ASTN1: variants seen among roughly 807,000 people sequenced by gnomAD.
ASTN1 encodes astrotactin 1, also known as astrotactin-1.
In ASTN1, 41 loss-of-function variants were observed where a neutral mutation model predicts 140.7. That is an observed-to-expected ratio of 0.29 (90% CI 0.23 to 0.38). The LOEUF (loss-of-function observed/expected upper bound fraction) is 0.38. Among genes scored for constraint, ASTN1 ranks in the 10% least tolerant of loss-of-function variants. The pLI, the probability that ASTN1 is intolerant of heterozygous loss-of-function variation, is 1.00. For missense variants in ASTN1, 1,479 were observed against 1,678.8 expected (o/e 0.88, Z 2.08); for synonymous variants, 640 against 652.2 (o/e 0.98, Z 0.29).
intron 2 of ASTN1, among the ~76,000 whole-genome samples, chr1:177,044,081 T>A (rs1437006744): frequency 6.6e-6 from 1 of 152,062 alleles, no homozygotes; most frequent in East Asian, 1.9e-4. Flanking sequence ...ACCAGCAGCA[T>A]ATTGTCTTTA....
chr1:176,867,775 C>A (rs938186051), intron 22 of ASTN1, among the ~76,000 whole-genome samples: 1 of 152,116 alleles, frequency 6.6e-6, no homozygotes, highest in Non-Finnish European at 1.5e-5. Context: ...TCACAGCAGG[C>A]CAAATGAGGA....
At chr1:176,939,469 C>T (rs1240774597) in intron 14 of ASTN1, among the ~76,000 whole-genome samples, 1 of 152,156 alleles carries the variant, frequency 6.6e-6, no homozygotes, top group East Asian at 1.9e-4. Context: ...GGAACACTTA[C>T]ATAACTGTTA....
At chr1:177,031,580 C>T (rs933342521) in intron 3 of ASTN1, among the ~76,000 whole-genome samples, 1 of 152,200 alleles carries the variant, frequency 6.6e-6, no homozygotes, top group Non-Finnish European at 1.5e-5. Context: ...GAAATTGGCT[C>T]TTCATGTAGA....
chr1:177,048,177 A>G (rs1267642280), intron 2 of ASTN1, among the ~76,000 whole-genome samples: 2 of 152,182 alleles, frequency 1.3e-5, no homozygotes, highest in Non-Finnish European at 2.9e-5. Context: ...GGGGCTCAGG[A>G]TGTAGAAGAG....
At chr1:176,921,691 G>C (rs1402517980) in intron 16 of ASTN1, among the ~76,000 whole-genome samples, 1 of 152,102 alleles carries the variant, frequency 6.6e-6, no homozygotes, top group Non-Finnish European at 1.5e-5. Context: ...TTTATGTCCA[G>C]CCTGTTCTTT....
intron 8 of ASTN1, among the ~76,000 whole-genome samples, chr1:176,997,538 C>T (rs559551935): frequency 2.0e-5 from 3 of 151,962 alleles, no homozygotes; most frequent in East Asian, 1.9e-4. Context: ...GGATATCCTC[C>T]GAGGAGGACA....
chr1:177,073,850 T>C (rs566166840), intron 1 of ASTN1, among the ~76,000 whole-genome samples: 1 of 151,838 alleles, frequency 6.6e-6, no homozygotes, highest in South Asian at 2.1e-4. Flanking sequence ...CAAAGGGCTG[T>C]TAAAGTGAAA....
chr1:176,983,497 T>C (rs1164876464), intron 8 of ASTN1, among the ~76,000 whole-genome samples: 1 of 152,260 alleles, frequency 6.6e-6, no homozygotes, highest in Non-Finnish European at 1.5e-5. Context: ...CCCCAAATGC[T>C]TCTTTTCCCT....
rs879671358 is a variant in ASTN1, at chr1:176,935,761, T to TTC, written c.2482+503_2482+504dup. Among the ~76,000 whole-genome samples the TTC allele has an allele frequency of 9.8e-3, 1,458 of 148,844 alleles. 24 individuals carry two copies. The highest frequency in any genetic ancestry group is 0.031 in the African/African-American group (1,256 of 40,738). On this transcript the variant is annotated intron_variant, in intron 15 of 22. Transcript: ENST00000361833. ...CTAATATCTATTTCTCTCTCTCTCT[T>TTC]TCTCTCTCTCTCTCTCTCTCTTTCT...
At chr1:177,004,935 G>T (rs570771547) in intron 8 of ASTN1, among the ~76,000 whole-genome samples, 1 of 152,194 alleles carries the variant, frequency 6.6e-6, no homozygotes, top group East Asian at 1.9e-4. Flanking sequence ...TTATGACTAA[G>T]ACCCCAAAAG....
intron 1 of ASTN1, among the ~76,000 whole-genome samples, chr1:177,094,573 T>G (rs1367884363): frequency 6.6e-6 from 1 of 152,196 alleles, no homozygotes; most frequent in African/African-American, 2.4e-5. Context: ...GGCTTAATCT[T>G]GGACTTCCCA....
chr1:176,972,729 G>A (rs1362748105), intron 8 of ASTN1, among the ~76,000 whole-genome samples: 2 of 151,914 alleles, frequency 1.3e-5, no homozygotes, highest in Non-Finnish European at 2.9e-5. Context: ...TGATATGACT[G>A]TACTATTTAA....
Position 176,863,342 on chromosome 1 carries a change from G to A in ASTN1, c.*942C>T, listed in dbSNP as rs190495479. On this transcript the variant is annotated 3_prime_UTR_variant, in exon 23 of 23. Transcript: ENST00000361833. The stretch of plus-strand genomic sequence containing the variant: ...CCCCTCCTGGTCCCAATCAGACATC[G>A]GCCAAGCCTTACCTGTCCAAGGTAA... The A allele has an allele frequency of 2.2e-5, 22 of 985,812 alleles. No homozygotes were observed. The East Asian group carries it at 6.8e-4, about 31-fold the overall frequency. 61.1% of individuals were successfully genotyped at this position (985,812 alleles called of 1,614,324 possible).
chr1:177,013,085 T>A (rs1281284229), intron 8 of ASTN1, among the ~76,000 whole-genome samples: 1 of 152,138 alleles, frequency 6.6e-6, no homozygotes, highest in Non-Finnish European at 1.5e-5. Context: ...CCACTGCACA[T>A]CTATCAGCCA....
chr1:176,905,854 G>A (rs1194072262), intron 16 of ASTN1, among the ~76,000 whole-genome samples: 1 of 152,160 alleles, frequency 6.6e-6, no homozygotes, highest in Admixed American at 6.5e-5. Context: ...GTTTCACCCA[G>A]AGCTGCAACC....
intron 1 of ASTN1, among the ~76,000 whole-genome samples, chr1:177,070,823 C>T (rs1678601255): frequency 6.6e-6 from 1 of 152,120 alleles, no homozygotes; most frequent in Admixed American, 6.5e-5. Context: ...TTGTTTTTCA[C>T]TATCTCAACG....
intron 16 of ASTN1, among the ~76,000 whole-genome samples, chr1:176,904,042 T>C (rs1669880776): frequency 6.6e-6 from 1 of 152,174 alleles, no homozygotes; most frequent in Non-Finnish European, 1.5e-5. Context: ...TTGAAGGTAG[T>C]CTAGGGTCAC....
At chr1:176,911,700 G>C (rs1455136651) in intron 16 of ASTN1, among the ~76,000 whole-genome samples, 1 of 152,090 alleles carries the variant, frequency 6.6e-6, no homozygotes, top group Admixed American at 6.6e-5. Flanking sequence ...GCCATCTTCT[G>C]AACTACCTCC....
At position 176,936,237 on chromosome 1, in the gene ASTN1, T is replaced by C. The variant is rs1671440196; in HGVS notation, c.2482+29A>G. The C allele has an allele frequency of 5.0e-6, 8 of 1,586,400 alleles. No homozygotes were observed. In the East Asian group the frequency reaches 1.8e-4, roughly 35 times the overall value. ...AAGGACTTCTAAGTTCCAGGGAAGGTGGGCAGGATAGCCTGCAGCAGTGCT... is the reference window on the plus strand; with the variant it reads ...AAGGACTTCTAAGTTCCAGGGAAGGCGGGCAGGATAGCCTGCAGCAGTGCT... On this transcript the variant is annotated intron_variant, in intron 15 of 22. Transcript: ENST00000361833.
Sources: allele counts gnomAD v4.1 joint callset (sites outside exome capture counted in the v4.1 genomes callset), GRCh38; gene constraint gnomAD v4.1.1; transcripts MANE v1.5; gene names NCBI Gene and HGNC (gene_info 2026-07-23, HGNC 2026-07-21).